PIK3C2A: variants seen among roughly 807,000 people sequenced by gnomAD.
PIK3C2A encodes the protein phosphatidylinositol-4-phosphate 3-kinase catalytic subunit type 2 alpha.
A neutral mutation model predicts 204.5 loss-of-function variants in PIK3C2A; 97 were observed. That is an observed-to-expected ratio of 0.47 (90% CI 0.40 to 0.56). The LOEUF is 0.56. Ranked by LOEUF, PIK3C2A falls within the 20% of genes least tolerant of loss-of-function variation. PIK3C2A has a pLI of 0.00. For missense variants in PIK3C2A, 1,735 were observed against 1,969.2 expected (o/e 0.88, Z 2.25); for synonymous variants, 653 against 664.4 (o/e 0.98, Z 0.26).
chr11:17,140,792 C>T (rs1380634297), intron 8 of PIK3C2A, among the ~76,000 whole-genome samples: 1 of 151,960 alleles, frequency 6.6e-6, no homozygotes, highest in Non-Finnish European at 1.5e-5. Context: ...ATAATGGGTA[C>T]ATTTTATGAT....
In PIK3C2A at chr11:17,190,134, G is replaced by A. The variant is rs1290547912; in HGVS notation, c.-66+17714C>T. On this transcript the variant is annotated intron_variant, in intron 1 of 32. Coordinates refer to ENST00000691414, the MANE Select transcript of PIK3C2A (RefSeq NM_002645.4). ...AAAAATTAGCTGGGCATAGTGACGCGTGCCTGTAATCCCAGTTACTCTGGA... is the reference window on the plus strand; with the variant it reads ...AAAAATTAGCTGGGCATAGTGACGCATGCCTGTAATCCCAGTTACTCTGGA... Among the ~76,000 whole-genome samples the A allele has an allele frequency of 5.3e-5, 8 of 151,996 alleles. No individual in the cohort carries two copies. In the East Asian group the frequency reaches 5.8e-4, roughly 11 times the overall value.
At chr11:17,121,864 A>T (rs568412867) in intron 15 of PIK3C2A, among the ~76,000 whole-genome samples, 83 of 152,102 alleles carry the variant, frequency 5.5e-4, no homozygotes, top group African/African-American at 1.9e-3. Context: ...AAATCTCTTG[A>T]TATGTATTGT....
chr11:17,091,959 C>G, intron 30 of PIK3C2A, 37 bp downstream of exon 30: 1 of 1,270,584 alleles, frequency 7.9e-7, no homozygotes, highest in Non-Finnish European at 1.2e-6. Context: ...ACTTGCAGAT[C>G]ATGAGTTACC....
At chr11:17,195,222 G>A (rs113346969) in intron 1 of PIK3C2A, among the ~76,000 whole-genome samples, 11 of 149,936 alleles carry the variant, frequency 7.3e-5, no homozygotes, top group East Asian at 2.0e-4. Context: ...AAACCATCCC[G>A]GCCAACTTGG....
Position 17,120,105 on chromosome 11 carries a change from T to C in PIK3C2A, c.2658-131A>G, listed in dbSNP as rs1590930215. On this transcript the variant is annotated intron_variant, in intron 15 of 32. Transcript: ENST00000691414. Reference sequence around the variant, plus strand: ...CTTCATAAAATCATTAATACTAATTTGGAATAGAAAAATGCAATGTATGGC... The same window carrying C: ...CTTCATAAAATCATTAATACTAATTCGGAATAGAAAAATGCAATGTATGGC... 6 of 510,802 alleles carry C rather than the reference T, an allele frequency of 1.2e-5. No homozygotes were observed. The East Asian group carries it at 2.0e-4, about 17-fold the overall frequency. The allele number at this position is 510,802 out of a possible 1,614,324, so 31.6% of individuals were successfully genotyped here.
rs1475663309 is a variant in PIK3C2A, at chr11:17,196,633, G to A, written c.-66+11215C>T. On this transcript the variant is annotated intron_variant, in intron 1 of 32. Coordinates refer to ENST00000691414, the MANE Select transcript of PIK3C2A (RefSeq NM_002645.4). ...CACCCAGCCTGGAGTGCAGTGGCTC[G>A]ATCTCCGCTCACTGCAAGCTCCGCC... Among the ~76,000 whole-genome samples, 4 of 151,906 alleles carry A rather than the reference G, an allele frequency of 2.6e-5. No homozygotes were observed. In the South Asian group the frequency reaches 8.3e-4, roughly 31 times the overall value.
chr11:17,116,703 C>T (rs1165629242), intron 19 of PIK3C2A, among the ~76,000 whole-genome samples: 1 of 151,996 alleles, frequency 6.6e-6, no homozygotes, highest in Non-Finnish European at 1.5e-5. Context: ...CATTCTCCTG[C>T]CTCAGCCTCC....
At chr11:17,126,548 T>C (rs1849532958) in intron 13 of PIK3C2A, among the ~76,000 whole-genome samples, 1 of 152,224 alleles carries the variant, frequency 6.6e-6, no homozygotes, top group Non-Finnish European at 1.5e-5. Context: ...GGATTACTAA[T>C]CATTATAACA....
intron 2 of PIK3C2A, among the ~76,000 whole-genome samples, chr11:17,167,009 C>T (rs1180450205): frequency 1.3e-5 from 2 of 152,000 alleles, no homozygotes; most frequent in African/African-American, 4.8e-5. Flanking sequence ...CTTGCTCTGT[C>T]GCCCAGGCTG....
At chr11:17,176,596 G>A (rs1047998942) in intron 1 of PIK3C2A, among the ~76,000 whole-genome samples, 8 of 151,906 alleles carry the variant, frequency 5.3e-5, no homozygotes, top group African/African-American at 7.2e-5. Flanking sequence ...CGAGACCAGC[G>A]TGGGCAACAT....
chr11:17,089,841 C>G lies in PIK3C2A; in HGVS notation c.4958G>C (p.Arg1653Pro). ...QLSVLSAESL[R>P]ENFFLGGVTL... ...TACTCCACCCAAGAAAAAATTCTCC[C>G]GCAGAGATTCTGCACTGAGTACACT... The change falls in exon 33 of 33, where the codon CGG becomes CCG. Residue 1653 changes from arginine to proline, a missense_variant. By Grantham distance (103) the Arg-to-Pro change is moderately radical. Transcript: ENST00000691414. 6.2e-7 allele frequency: 1 copy of G among 1,613,654 alleles called. No homozygotes were observed. Among genetic ancestry groups the G allele is most frequent in the South Asian group, 1.1e-5 (1 of 91,062 alleles).
rs752493030 is a variant in PIK3C2A, at chr11:17,119,244, T to C, written c.2916A>G (p.Thr972=). The part of the protein sequence containing the change: ...WIEAISDDEL[T]DLLPQFVQAL... ...CTTGTACAAACTGTGGAAGAAGATC[T>C]GTTAGCTCATCATCACTAATGGCCT... is the stretch of plus-strand genomic sequence containing the variant. The change falls in exon 17 of 33, where the codon ACA becomes ACG. Residue 972 remains threonine, a synonymous_variant. Transcript: ENST00000691414. The C allele has an allele frequency of 6.3e-7, 1 of 1,599,452 alleles. No homozygotes were observed. Among genetic ancestry groups the C allele is most frequent in the Admixed American group, 1.7e-5 (1 of 59,744 alleles).
chr11:17,163,217 A>T (rs566187942), intron 2 of PIK3C2A, among the ~76,000 whole-genome samples: 1 of 152,092 alleles, frequency 6.6e-6, no homozygotes, highest in Non-Finnish European at 1.5e-5. Flanking sequence ...GAGCCAGGAG[A>T]ATCACTTGAA....
At chr11:17,091,038 C>T (rs1362805883) in intron 32 of PIK3C2A, among the ~76,000 whole-genome samples, 16 of 151,770 alleles carry the variant, frequency 1.1e-4, no homozygotes, top group Non-Finnish European at 1.2e-4. Context: ...TGAGCCACTG[C>T]GCCTGGCCTT....
chr11:17,094,380 A>G lies in PIK3C2A; in HGVS notation c.4332T>C (p.Tyr1444=). 1 of 1,607,152 alleles carries G rather than the reference A, an allele frequency of 6.2e-7. No homozygotes were observed. The highest frequency in any genetic ancestry group is 8.5e-7 in the Non-Finnish European group (1 of 1,176,690). ...GTCCTTCCCTCAAAATTCGGACTAC[A>G]TAAATCTGAAAAGAAATCACACCAC... ...KKYNPDKHYI[Y]VVRILREGQI... The change falls in exon 28 of 33, where the codon TAT becomes TAC. Residue 1444 remains tyrosine (Y), a synonymous_variant. Coordinates refer to ENST00000691414, the MANE Select transcript of PIK3C2A (RefSeq NM_002645.4).
intron 2 of PIK3C2A, among the ~76,000 whole-genome samples, chr11:17,166,326 T>C (rs1850947022): frequency 1.3e-5 from 2 of 152,094 alleles, no homozygotes; most frequent in South Asian, 2.1e-4. Context: ...ATGTACAACA[T>C]AGATAAAAAG....
rs548915644 is a variant in PIK3C2A at position 17,201,068 on chromosome 11, T to C, written c.-66+6780A>G. Reference sequence around the variant, plus strand: ...TAAAAACCCAAAAATTAGCCAGATGTGGTGGCAGACGCCTGTAATCCCAGC... The same window carrying C: ...TAAAAACCCAAAAATTAGCCAGATGCGGTGGCAGACGCCTGTAATCCCAGC... On this transcript the variant is annotated intron_variant, in intron 1 of 32. Coordinates refer to ENST00000691414, the MANE Select transcript of PIK3C2A (RefSeq NM_002645.4). Among the ~76,000 whole-genome samples, 5 of 151,962 alleles carry C rather than the reference T, an allele frequency of 3.3e-5. No individual in the cohort carries two copies. The East Asian group carries it at 9.7e-4, about 29-fold the overall frequency.
At position 17,178,799 on chromosome 11, in the gene PIK3C2A, A is replaced by G. The variant is rs1401563369; in HGVS notation, c.-65-8993T>C. ...CTGCGGACTGCAGTGGCGCAATCTC[A>G]GCTCACTGCAAGCTCCGCTTCCCGG... On this transcript the variant is annotated intron_variant, in intron 1 of 32. Transcript: ENST00000691414. Among the ~76,000 whole-genome samples the G allele has an allele frequency of 1.3e-4, 18 of 141,304 alleles. 1 individual carries two copies. The highest frequency in any genetic ancestry group is 1.2e-3 in the East Asian group (6 of 4,876). The allele number at this position is 141,304 out of a possible 152,430, so 92.7% of individuals were successfully genotyped here.
At chr11:17,176,359 G>A (rs1302758165) in intron 1 of PIK3C2A, among the ~76,000 whole-genome samples, 1 of 151,728 alleles carries the variant, frequency 6.6e-6, no homozygotes, top group Non-Finnish European at 1.5e-5. Context: ...TGGGCGAGGT[G>A]ATTCTTAAAC....
Sources: allele counts gnomAD v4.1 joint callset (sites outside exome capture counted in the v4.1 genomes callset), GRCh38; gene constraint gnomAD v4.1.1; transcripts MANE v1.5; gene names NCBI Gene and HGNC (gene_info 2026-07-23, HGNC 2026-07-21).